Variants in GPAT3 observed in about 807,000 individuals in gnomAD.
GPAT3 encodes the protein glycerol-3-phosphate acyltransferase 3.
Under a neutral mutation model 58.8 loss-of-function variants are expected in GPAT3, and 53 were observed. That is an observed-to-expected ratio of 0.90 (90% CI 0.72 to 1.13). The LOEUF (loss-of-function observed/expected upper bound fraction) is 1.13. Among genes scored for constraint, GPAT3 ranks in the 50% most tolerant of loss-of-function variants. The probability of loss-of-function intolerance (pLI) is 0.00; values close to 1 mark genes in which losing one functional copy is unlikely to be tolerated. For missense variants in GPAT3, 511 were observed against 527.6 expected (o/e 0.97, Z 0.31); for synonymous variants, 197 against 187.4 (o/e 1.05, Z -0.42).
intron 7 of GPAT3, 35 bp from the exon 8 acceptor site, chr4:83,596,823 T>C: frequency 6.4e-7 from 1 of 1,562,054 alleles, no homozygotes; most frequent in Non-Finnish European, 8.8e-7. Flanking sequence ...TCTCTCTTTA[T>C]AAAGGCAGAA....
chr4:83,592,504 T>TTA (rs1284681739), intron 6 of GPAT3, among the ~76,000 whole-genome samples: 1 of 152,184 alleles, frequency 6.6e-6, no homozygotes, highest in African/African-American at 2.4e-5. Flanking sequence ...CAAATAAAAA[T>TTA]TATATATATT....
intron 6 of GPAT3, among the ~76,000 whole-genome samples, chr4:83,591,105 G>A (rs1726582748): frequency 2.6e-5 from 4 of 152,042 alleles, no homozygotes; most frequent in Admixed American, 2.0e-4. Context: ...TGGGCTTCAG[G>A]GAGAGTAGAT....
At chr4:83,546,055 G>C (rs1163827297) in intron 2 of GPAT3, among the ~76,000 whole-genome samples, 3 of 152,142 alleles carry the variant, frequency 2.0e-5, no homozygotes, top group Admixed American at 2.0e-4. Context: ...CGAGATGTCG[G>C]CTCACTGTAA....
chr4:83,598,155 G>A lies in GPAT3; in HGVS notation c.1101G>A (p.Trp367Ter). 6.2e-7 allele frequency: 1 copy of A among 1,613,240 alleles called. No homozygotes were observed. Among genetic ancestry groups the A allele is most frequent in the Non-Finnish European group, 8.5e-7 (1 of 1,179,714 alleles). The change falls in exon 10 of 12, where the codon TGG (tryptophan) becomes TGA (stop). Residue 367 changes from tryptophan (W) to a stop codon, truncating the protein, a stop_gained. Coordinates refer to ENST00000264409, the MANE Select transcript of GPAT3 (RefSeq NM_032717.5). LOFTEE classifies it high-confidence loss of function. ...MTSWAIVCDV[W>*]YMPPMTREEG... Reference sequence around the variant, plus strand: ...GCTGGGCCATCGTCTGTGACGTGTGGTACATGCCCCCCATGACCAGAGAGG... The same window carrying A: ...GCTGGGCCATCGTCTGTGACGTGTGATACATGCCCCCCATGACCAGAGAGG...
chr4:83,578,992 CCTTCCTTCCTTCCTTCCTTCT>C (rs1725948595), intron 2 of GPAT3, among the ~76,000 whole-genome samples: 3 of 110,910 alleles, frequency 2.7e-5, no homozygotes, highest in African/African-American at 4.2e-5. Flanking sequence ...TTCTTTCCTT[CCTTCCTTCCTTCCTTCCTTCT>C]TTCCCTTTCT....
chr4:83,553,084 T>C (rs1273407616), intron 2 of GPAT3, among the ~76,000 whole-genome samples: 1 of 152,214 alleles, frequency 6.6e-6, no homozygotes, highest in Non-Finnish European at 1.5e-5. Context: ...TGGCACTCTG[T>C]TATAGCAGCC....
At chr4:83,600,085 G>A (rs1039297974) in intron 11 of GPAT3, among the ~76,000 whole-genome samples, 1 of 152,130 alleles carries the variant, frequency 6.6e-6, no homozygotes, top group Non-Finnish European at 1.5e-5. Context: ...CCTTGGATAA[G>A]GGGGGAGTTA....
Position 83,556,055 on chromosome 4 carries a change from T to G in GPAT3, c.208+11453T>G, listed in dbSNP as rs1438149471. ...GAAATTTTTGAAGAAACAAATCTAT[T>G]AAGAATATTTAGCATTACAATCAAA... is the stretch of plus-strand genomic sequence containing the variant. On this transcript the variant is annotated intron_variant, in intron 2 of 11. Coordinates refer to ENST00000264409, the MANE Select transcript of GPAT3 (RefSeq NM_032717.5). Among the ~76,000 whole-genome samples, 7 of 152,230 alleles carry G rather than the reference T, an allele frequency of 4.6e-5. No individual in the cohort carries two copies. In the South Asian group the frequency reaches 1.4e-3, roughly 31 times the overall value.
rs1322197222 is a variant in GPAT3 at position 83,581,745 on chromosome 4, A to G, written c.392A>G (p.Asn131Ser). The change falls in exon 3 of 12, where the codon AAT (asparagine) becomes AGT (serine). Residue 131 changes from asparagine to serine, a missense_variant. Coordinates refer to ENST00000264409, the MANE Select transcript of GPAT3 (RefSeq NM_032717.5). Reference protein sequence around the residue: ...LVSWNLLTRTNVNFQYISLRL... With the variant: ...LVSWNLLTRTSVNFQYISLRL... ...TCATGGAATCTCCTCACAAGAACCA[A>G]TGTAAATTTCCAGTACATCAGTCTG... is the stretch of plus-strand genomic sequence containing the variant. 7.4e-6 allele frequency: 12 copies of G among 1,614,056 alleles called. No individual in the cohort carries two copies. Among genetic ancestry groups the G allele is most frequent in the African/African-American group, 1.3e-5 (1 of 74,918 alleles).
Position 83,598,101 on chromosome 4 carries a change from G to T in GPAT3, c.1047G>T (p.Met349Ile). 1 of 1,613,480 alleles carries T rather than the reference G, an allele frequency of 6.2e-7. No homozygotes were observed. Reference sequence around the variant, plus strand: ...TTTGGAACAGTAGTAAATACAACATGGTGAGCTACCTGCTTCGAATGATGA... The same window carrying T: ...TTTGGAACAGTAGTAAATACAACATTGTGAGCTACCTGCTTCGAATGATGA... ...DAFWNSSKYN[M>I]VSYLLRMMTS... Residue 349 changes from methionine (M) to isoleucine (I), a missense_variant, in exon 10 of 12, where the codon ATG becomes ATT. Transcript: ENST00000264409.
intron 2 of GPAT3, among the ~76,000 whole-genome samples, chr4:83,549,471 GTA>G (rs57866394): frequency 0.085 from 8,379 of 98,822 alleles, 512 homozygotes; most frequent in African/African-American, 0.18. Flanking sequence ...GTGTGTGTAT[GTA>G]TATATATATG....
chr4:83,597,064 G>A (rs1726871034), intron 8 of GPAT3, 151 bp downstream of exon 8: 3 of 695,924 alleles, frequency 4.3e-6, no homozygotes, highest in Non-Finnish European at 7.3e-6. Flanking sequence ...TTAATTCCTT[G>A]CTTTCTTTTG....
chr4:83,588,311 C>T lies in GPAT3; in HGVS notation c.644+12C>T, dbSNP rs1478004756. The T allele has an allele frequency of 2.8e-6, 4 of 1,426,380 alleles. No individual in the cohort carries two copies. Among genetic ancestry groups the T allele is most frequent in the South Asian group, 1.2e-5 (1 of 84,926 alleles). The allele number at this position is 1,426,380 out of a possible 1,614,324, so 88.4% of individuals were successfully genotyped here. A position where few individuals can be genotyped will look rare whatever the true frequency, so the allele number is the denominator to read the frequency against. On this transcript the variant is annotated intron_variant, in intron 5 of 11. Transcript: ENST00000264409. ...CATTATCATAACAAGTGAGTATCTG[C>T]TCCAATGTGCCTGTCTTTTTCTAGG...
intron 2 of GPAT3, among the ~76,000 whole-genome samples, chr4:83,579,016 C>CT (rs1560620832): frequency 1.2e-5 from 1 of 86,052 alleles, no homozygotes. Flanking sequence ...TTCCTTCTTT[C>CT]CCTTTCTTTC....
chr4:83,554,544 C>T (rs923951865), intron 2 of GPAT3, among the ~76,000 whole-genome samples: 4 of 152,072 alleles, frequency 2.6e-5, no homozygotes, highest in Non-Finnish European at 5.9e-5. Context: ...ACATTGGCCC[C>T]ACTGTTCCAT....
At chr4:83,570,446 C>G (rs1386445573) in intron 2 of GPAT3, among the ~76,000 whole-genome samples, 1 of 150,478 alleles carries the variant, frequency 6.6e-6, no homozygotes, top group African/African-American at 2.4e-5. Flanking sequence ...TTAATTGAAA[C>G]TATAGCTAGA....
chr4:83,599,082 C>A (rs1123378), intron 11 of GPAT3, among the ~76,000 whole-genome samples: 38,828 of 151,488 alleles, frequency 0.26, 5,301 homozygotes, highest in South Asian at 0.35. Flanking sequence ...CTGTTCCTGG[C>A]CTTTTCTTTT....
Position 83,559,054 on chromosome 4 carries a change from A to G in GPAT3, c.208+14452A>G, listed in dbSNP as rs1331505518. Among the ~76,000 whole-genome samples, 5 of 152,358 alleles carry G rather than the reference A, an allele frequency of 3.3e-5. No homozygotes were observed. The East Asian group carries it at 7.7e-4, about 23-fold the overall frequency. ...AGAAAACACTTCTTGTTAGCAAAAA[A>G]TGATTAGAAAACTGGACCAGACTAG... On this transcript the variant is annotated intron_variant, in intron 2 of 11. Coordinates refer to ENST00000264409, the MANE Select transcript of GPAT3 (RefSeq NM_032717.5).
Position 83,604,963 on chromosome 4 carries a change from C to A in GPAT3, c.*196C>A. 1.9e-6 allele frequency: 1 copy of A among 517,844 alleles called. No homozygotes were observed. Among genetic ancestry groups the A allele is most frequent in the Non-Finnish European group, 3.4e-6 (1 of 291,056 alleles). The allele number at this position is 517,844 out of a possible 1,614,324, so 32.1% of individuals were successfully genotyped here. ...TTTGTTGTTGTTGTAACATTAGCCC[C>A]ATGGATTGTAAGGTGGTTTACTGAG... On this transcript the variant is annotated 3_prime_UTR_variant, in exon 12 of 12. Coordinates refer to ENST00000264409, the MANE Select transcript of GPAT3 (RefSeq NM_032717.5).
Sources: gnomAD v4.1 joint callset for allele counts (sites outside exome capture counted in the v4.1 genomes callset) on GRCh38, gnomAD v4.1.1 for gene constraint, MANE v1.5 for transcripts, NCBI Gene and HGNC (gene_info 2026-07-23, HGNC 2026-07-21) for gene names.